Variants in RGMB observed in about 807,000 individuals in gnomAD.
RGMB encodes the protein repulsive guidance molecule BMP co-receptor b, also known as repulsive guidance molecule B.
Under a neutral mutation model 26.9 loss-of-function variants are expected in RGMB, and 16 were observed. That is an observed-to-expected ratio of 0.60 (90% CI 0.40 to 0.90). RGMB has a LOEUF of 0.90. Ranked by LOEUF, RGMB falls within the 40% of genes least tolerant of loss-of-function variation. The probability of loss-of-function intolerance (pLI) is 0.00; values close to 1 mark genes in which losing one functional copy is unlikely to be tolerated. For synonymous variants in RGMB, 225 were observed against 229.3 expected (o/e 0.98, Z 0.17); for missense variants, 512 against 573.3 (o/e 0.89, Z 1.09).
In RGMB at chr5:98,779,973, A is replaced by G. The variant is rs760952318; in HGVS notation, c.530A>G (p.Asn177Ser). ...CCTCACCTCAGAACTTTCAAGGATAACTTCCAAACATGCAAAGTAGAAGGG... is the reference window on the plus strand; with the variant it reads ...CCTCACCTCAGAACTTTCAAGGATAGCTTCCAAACATGCAAAGTAGAAGGG... ...GDPHLRTFKD[N>S]FQTCKVEGAW... The change falls in exon 2 of 3, where the codon AAC becomes AGC. Residue 177 changes from asparagine to serine, a missense_variant. Coordinates refer to ENST00000513185, the MANE Select transcript of RGMB (RefSeq NM_001366508.1). 5 of 1,613,822 alleles carry G rather than the reference A, an allele frequency of 3.1e-6. 1 individual carries two copies. The South Asian group carries it at 4.4e-5, about 14-fold the overall frequency.
chr5:98,780,248 T>A, intron 2 of RGMB, 160 bp downstream of exon 2: 1 of 619,196 alleles, frequency 1.6e-6, no homozygotes, highest in Non-Finnish European at 2.7e-6. Flanking sequence ...AATTATCTAG[T>A]AAGGAATTTC....
At position 98,773,877 on chromosome 5, in the gene RGMB, C is replaced by T. The variant is rs1278764353; in HGVS notation, c.-194C>T. On this transcript the variant is annotated 5_prime_UTR_variant, in exon 1 of 3. Transcript: ENST00000513185. ...ATGCCCCTGCGCCCCGCTGCTGCCG[C>T]CGCGGACTGGCTGCGCCGGCTGCGC... 3.9e-6 allele frequency: 2 copies of T among 509,182 alleles called. No individual in the cohort carries two copies. The highest frequency in any genetic ancestry group is 6.8e-6 in the Non-Finnish European group (2 of 292,644). 31.5% of individuals were successfully genotyped at this position (509,182 alleles called of 1,614,324 possible).
At chr5:98,786,643 G>T (rs1746773478) in intron 2 of RGMB, among the ~76,000 whole-genome samples, 2 of 152,202 alleles carry the variant, frequency 1.3e-5, no homozygotes, top group African/African-American at 4.8e-5. Context: ...TTTGACTGCA[G>T]TAGAACTTGC....
intron 2 of RGMB, among the ~76,000 whole-genome samples, chr5:98,783,603 G>C (rs1012745754): frequency 3.3e-4 from 50 of 152,148 alleles, no homozygotes; most frequent in African/African-American, 1.2e-3. Flanking sequence ...CTCAACTCTT[G>C]TTCATTCATT....
chr5:98,790,136 T>G (rs1042394420), intron 2 of RGMB, among the ~76,000 whole-genome samples: 7 of 152,260 alleles, frequency 4.6e-5, no homozygotes, highest in African/African-American at 1.7e-4. Flanking sequence ...AAGTGCATTA[T>G]AAAACTTAAG....
chr5:98,785,099 G>C (rs1746732079), intron 2 of RGMB, among the ~76,000 whole-genome samples: 1 of 152,168 alleles, frequency 6.6e-6, no homozygotes, highest in Admixed American at 6.5e-5. Context: ...CTGACTGGTT[G>C]AGGCATATTG....
chr5:98,782,749 C>T (rs1247699726), intron 2 of RGMB, among the ~76,000 whole-genome samples: 2 of 151,800 alleles, frequency 1.3e-5, no homozygotes, highest in East Asian at 3.8e-4. Context: ...GTATTTTGCT[C>T]AATGAGGCTA....
intron 1 of RGMB, among the ~76,000 whole-genome samples, chr5:98,777,824 T>C (rs1746464666): frequency 6.6e-6 from 1 of 152,222 alleles, no homozygotes; most frequent in Admixed American, 6.5e-5. Flanking sequence ...TTGTAACTTT[T>C]TTTTTGAAAG....
At chr5:98,790,197 C>T (rs1746884699) in intron 2 of RGMB, among the ~76,000 whole-genome samples, 1 of 152,188 alleles carries the variant, frequency 6.6e-6, no homozygotes, top group South Asian at 2.1e-4. Flanking sequence ...GATTATATCT[C>T]TAGGTACCTG....
intron 1 of RGMB, among the ~76,000 whole-genome samples, chr5:98,775,476 G>A (rs969180399): frequency 1.3e-5 from 2 of 152,178 alleles, no homozygotes; most frequent in African/African-American, 4.8e-5. Context: ...TAGTTACGTG[G>A]AAAATTTTTC....
chr5:98,769,387 G>A (rs1345052184), upstream of RGMB: 2 of 152,398 alleles, frequency 1.3e-5, no homozygotes, highest in East Asian at 3.9e-4. Flanking sequence ...CCCCTAGATG[G>A]CGGAGAAATC....
At chr5:98,782,612 G>C (rs1360974290) in intron 2 of RGMB, among the ~76,000 whole-genome samples, 1 of 152,102 alleles carries the variant, frequency 6.6e-6, no homozygotes, top group African/African-American at 2.4e-5. Flanking sequence ...AATAACCCAC[G>C]TGCTCAGTGC....
chr5:98,793,992 G>A lies in RGMB; in HGVS notation c.*239G>A. 2.5e-6 allele frequency: 1 copy of A among 406,602 alleles called. No individual in the cohort carries two copies. Among genetic ancestry groups the A allele is most frequent in the Non-Finnish European group, 4.3e-6 (1 of 231,534 alleles). The allele number at this position is 406,602 out of a possible 1,614,324, so 25.2% of individuals were successfully genotyped here. ...GCAGTTCTGTGAAATGTTTTATAAT[G>A]TCCCTGCCCAGGGACCTGTTAGAAA... On this transcript the variant is annotated 3_prime_UTR_variant, in exon 3 of 3. Coordinates refer to ENST00000513185, the MANE Select transcript of RGMB (RefSeq NM_001366508.1).
chr5:98,773,851 G>A lies in RGMB; in HGVS notation c.-220G>A. 2.1e-6 allele frequency: 1 copy of A among 473,934 alleles called. No homozygotes were observed. Among genetic ancestry groups the A allele is most frequent in the Non-Finnish European group, 3.7e-6 (1 of 273,682 alleles). The allele number at this position is 473,934 out of a possible 1,614,324, so 29.4% of individuals were successfully genotyped here. ...CCTGCCTGCCGCCTCCGGCCGCCAC[G>A]ATGCCCCTGCGCCCCGCTGCTGCCG... On this transcript the variant is annotated 5_prime_UTR_variant, in exon 1 of 3. Coordinates refer to ENST00000513185, the MANE Select transcript of RGMB (RefSeq NM_001366508.1).
At chr5:98,769,450 G>C (rs755595679), upstream of RGMB, 2 of 152,400 alleles carry the variant, frequency 1.3e-5, no homozygotes, top group Non-Finnish European at 2.9e-5. Context: ...TGGAGTCGGA[G>C]AACTGGGAGA....
Position 98,793,769 on chromosome 5 carries a change from T to G in RGMB, c.*16T>G, listed in dbSNP as rs778229891. The G allele has an allele frequency of 1.3e-5, 19 of 1,505,678 alleles. No homozygotes were observed. In the South Asian group the frequency reaches 2.2e-4, roughly 18 times the overall value. The allele number at this position is 1,505,678 out of a possible 1,614,324, so 93.3% of individuals were successfully genotyped here. A position where few individuals can be genotyped will look rare whatever the true frequency, so the allele number is the denominator to read the frequency against. The stretch of plus-strand genomic sequence containing the variant: ...GTTTTTGTAGGGGTTGTCTTTTGTT[T>G]TGGTTTTTTATTTTTTGTCTATAAC... On this transcript the variant is annotated 3_prime_UTR_variant, in exon 3 of 3. Transcript: ENST00000513185.
chr5:98,772,094 G>A (rs1450682853), upstream of RGMB, among the ~76,000 whole-genome samples: 2 of 152,216 alleles, frequency 1.3e-5, no homozygotes, highest in Admixed American at 6.5e-5. Context: ...TACTTAGTCC[G>A]CAGCATTATC....
intron 2 of RGMB, among the ~76,000 whole-genome samples, chr5:98,781,619 A>G (rs1447590669): frequency 6.6e-6 from 1 of 152,216 alleles, no homozygotes; most frequent in Non-Finnish European, 1.5e-5. Context: ...GGAAAAAGTC[A>G]TCAATTGTGC....
upstream of RGMB, chr5:98,773,619 A>G (rs1481537089): frequency 1.1e-5 from 3 of 277,946 alleles, no homozygotes; most frequent in African/African-American, 4.4e-5. Context: ...GCGGGGCGGG[A>G]CGGCAGTGCG....
Sources: allele counts gnomAD v4.1 joint callset (sites outside exome capture counted in the v4.1 genomes callset), GRCh38; gene constraint gnomAD v4.1.1; transcripts MANE v1.5; gene names NCBI Gene and HGNC (gene_info 2026-07-23, HGNC 2026-07-21).